STAG1: variants seen among roughly 807,000 people sequenced by gnomAD.
The protein encoded by STAG1 is cohesin subunit SA-1.
Under a neutral mutation model 170.9 loss-of-function variants are expected in STAG1, and 26 were observed. The observed-to-expected ratio is 0.15, with a 90% CI of 0.11 to 0.21. The LOEUF (loss-of-function observed/expected upper bound fraction) is 0.21, where lower values mean the gene tolerates loss of function less well. Ranked by LOEUF, STAG1 falls within the 10% of genes least tolerant of loss-of-function variation. STAG1 has a pLI of 1.00. For missense variants in STAG1, 964 were observed against 1,509.5 expected (o/e 0.64, Z 5.99); for synonymous variants, 514 against 497.7 (o/e 1.03, Z -0.44).
chr3:136,476,182 A>G (rs1018081736), intron 10 of STAG1, among the ~76,000 whole-genome samples: 1 of 152,200 alleles, frequency 6.6e-6, no homozygotes, highest in Non-Finnish European at 1.5e-5. Flanking sequence ...GAAGCCTCAA[A>G]TAAGGCAGGT....
intron 1 of STAG1, among the ~76,000 whole-genome samples, chr3:136,660,556 G>A (rs139730505): frequency 1.2e-3 from 180 of 152,196 alleles, no homozygotes; most frequent in Admixed American, 7.9e-3. Flanking sequence ...CTCAAATACA[G>A]GAAAGGAAAA....
At chr3:136,471,132 AAG>A (rs2089616111) in intron 12 of STAG1, among the ~76,000 whole-genome samples, 2 of 151,974 alleles carry the variant, frequency 1.3e-5, no homozygotes, top group Admixed American at 6.6e-5. Flanking sequence ...AAAAAAAAAA[AAG>A]AGGATCACCT....
At chr3:136,564,341 T>G (rs1013857373) in intron 5 of STAG1, among the ~76,000 whole-genome samples, 6 of 152,220 alleles carry the variant, frequency 3.9e-5, no homozygotes, top group Non-Finnish European at 5.9e-5. Flanking sequence ...TATCAATTTG[T>G]ATTCTAACCA....
rs1311411444 is a variant in STAG1 at position 136,435,874 on chromosome 3, T to G, written c.1547-2215A>C. On this transcript the variant is annotated intron_variant, in intron 15 of 33. Transcript: ENST00000383202. ...TAGTAGAGACGGGGTTTCACCATCT[T>G]GGCCATGCTGGTCTTGAACCCCTGA... 2.0e-5 allele frequency among the ~76,000 whole-genome samples: 3 copies of G among 151,946 alleles called. No individual in the cohort carries two copies. In the South Asian group the frequency reaches 6.2e-4, roughly 31 times the overall value.
At chr3:136,704,821 CAAAAAAAAAA>C (rs67207510) in intron 1 of STAG1, among the ~76,000 whole-genome samples, 13 of 51,424 alleles carry the variant, frequency 2.5e-4, no homozygotes, top group East Asian at 8.3e-4. Flanking sequence ...GTCCCTGTCT[CAAAAAAAAAA>C]AAAAAAAAAA....
rs768593348 is a variant in STAG1 at position 136,398,790 on chromosome 3, G to T, written c.2236C>A (p.Leu746Ile). The change falls in exon 22 of 34, where the codon CTT becomes ATT. Residue 746 changes from leucine (L) to isoleucine (I), a missense_variant. Physicochemically the swap from Leu to Ile is conservative, Grantham distance 5 (BLOSUM62 2). This residue lies in a region of STAG1 where 232 missense variants were observed against 313.0 expected (regional missense o/e 0.74). Transcript: ENST00000383202. Reference protein sequence around the residue: ...QALQCSHYSILWQLVKITDGS... With the variant: ...QALQCSHYSIIWQLVKITDGS... Reference sequence around the variant, plus strand: ...TCAGTAATTTTCACCAACTGCCAAAGAATCGAATAATGGGAACACTGCAGT... The same window carrying T: ...TCAGTAATTTTCACCAACTGCCAAATAATCGAATAATGGGAACACTGCAGT... 6.2e-7 allele frequency: 1 copy of T among 1,604,404 alleles called. No homozygotes were observed. Among genetic ancestry groups the T allele is most frequent in the African/African-American group, 1.3e-5 (1 of 74,644 alleles).
chr3:136,542,390 A>G (rs1463700585), intron 5 of STAG1, among the ~76,000 whole-genome samples, 195 bp from the exon 6 acceptor site: 2 of 152,192 alleles, frequency 1.3e-5, no homozygotes, highest in Non-Finnish European at 2.9e-5. Context: ...AAAAGGAAGA[A>G]TTTTGAAATT....
At chr3:136,525,695 C>T (rs181100159) in intron 6 of STAG1, among the ~76,000 whole-genome samples, 6 of 152,270 alleles carry the variant, frequency 3.9e-5, no homozygotes, top group Admixed American at 2.0e-4. Context: ...GTTAGGGTGT[C>T]AATTTTAGAT....
At position 136,356,159 on chromosome 3, in the gene STAG1, G is replaced by C. The variant is rs72987443; in HGVS notation, c.3065+1561C>G. On this transcript the variant is annotated intron_variant, in intron 28 of 33. Coordinates refer to ENST00000383202, the MANE Select transcript of STAG1 (RefSeq NM_005862.3). ...CCCACCTCAGCCTCCGGAATAGCTG[G>C]GATTCCAGGTCGGAACCACTGAGCC... 6.0e-3 allele frequency among the ~76,000 whole-genome samples: 910 copies of C among 151,804 alleles called. 6 individuals are homozygous for C. The highest frequency in any genetic ancestry group is 0.021 in the African/African-American group (888 of 41,384).
intron 4 of STAG1, among the ~76,000 whole-genome samples, chr3:136,569,781 A>G (rs923171042): frequency 6.6e-6 from 1 of 152,104 alleles, no homozygotes; most frequent in Admixed American, 6.5e-5. Context: ...GTTCACAACG[A>G]AAAATACCTA....
At chr3:136,543,136 G>C (rs901038257) in intron 5 of STAG1, among the ~76,000 whole-genome samples, 2 of 152,102 alleles carry the variant, frequency 1.3e-5, no homozygotes, top group African/African-American at 4.8e-5. Flanking sequence ...TAGTAAAACT[G>C]GTTGCCTCCA....
intron 14 of STAG1, among the ~76,000 whole-genome samples, chr3:136,446,669 C>T (rs1199782149): frequency 1.3e-5 from 2 of 152,014 alleles, no homozygotes; most frequent in South Asian, 2.1e-4. Flanking sequence ...GTGATCCACC[C>T]GCCTCATCCT....
intron 1 of STAG1, among the ~76,000 whole-genome samples, chr3:136,690,312 T>G (rs1053537515): frequency 3.3e-5 from 5 of 152,112 alleles, no homozygotes; most frequent in African/African-American, 9.7e-5. Flanking sequence ...TCTCAGCACT[T>G]TGCAACCTCC....
chr3:136,727,926 G>C (rs1209996355), intron 1 of STAG1, among the ~76,000 whole-genome samples: 1 of 152,180 alleles, frequency 6.6e-6, no homozygotes, highest in East Asian at 1.9e-4. Context: ...GGGAGGCTGA[G>C]ACGGGTAGAT....
At chr3:136,518,188 A>G (rs900196746) in intron 7 of STAG1, 2 of 417,728 alleles carry the variant, frequency 4.8e-6, no homozygotes, top group Non-Finnish European at 8.5e-6. Context: ...TGATAAGACC[A>G]CTCTGATGAC....
intron 21 of STAG1, among the ~76,000 whole-genome samples, chr3:136,408,635 T>G (rs1304598210): frequency 6.6e-6 from 1 of 151,446 alleles, no homozygotes; most frequent in Non-Finnish European, 1.5e-5. Context: ...CAATCAAGAG[T>G]CTCATGAGAT....
intron 1 of STAG1, among the ~76,000 whole-genome samples, chr3:136,709,125 G>A (rs1426528846): frequency 2.0e-5 from 3 of 151,312 alleles, no homozygotes; most frequent in Non-Finnish European, 4.4e-5. Flanking sequence ...CCCTGTCTCT[G>A]CTAAAAATAA....
At chr3:136,398,654 T>C (rs1429359534) in intron 22 of STAG1, 95 bp downstream of exon 22, 4 of 503,690 alleles carry the variant, frequency 7.9e-6, no homozygotes, top group Non-Finnish European at 1.2e-5. Context: ...CAATAATTTA[T>C]ATTATACAAT....
At chr3:136,421,190 T>C (rs745400018) in intron 19 of STAG1, 27 bp from the exon 20 acceptor site, 1 of 1,496,852 alleles carries the variant, frequency 6.7e-7, no homozygotes, top group Admixed American at 1.8e-5. Flanking sequence ...CATCACATCA[T>C]TACAACTTTA....
Sources: gnomAD v4.1 joint callset for allele counts (sites outside exome capture counted in the v4.1 genomes callset) on GRCh38, gnomAD v4.1.1 for gene constraint, gnomAD v4.1.1 regional missense constraint, MANE v1.5 for transcripts, NCBI Gene and HGNC (gene_info 2026-07-23, HGNC 2026-07-21) for gene names.